CCDC60: variants seen among roughly 807,000 people sequenced by gnomAD.
CCDC60 encodes coiled-coil domain containing 60.
Under a neutral mutation model 63.5 loss-of-function variants are expected in CCDC60, and 54 were observed. That is an observed-to-expected ratio of 0.85 (90% confidence interval 0.68 to 1.07). The LOEUF is 1.07. Among genes scored for constraint, CCDC60 ranks in the 50% least tolerant of loss-of-function variants. The probability of loss-of-function intolerance (pLI) is 0.00; values close to 1 mark genes in which losing one functional copy is unlikely to be tolerated. For synonymous variants in CCDC60, 206 were observed against 238.8 expected (o/e 0.86, Z 1.27); for missense variants, 651 against 684.3 (o/e 0.95, Z 0.54).
rs147111938 is a variant in CCDC60 at position 119,488,639 on chromosome 12, C to T, written c.450-120C>T. 21 of 781,082 alleles carry T rather than the reference C, an allele frequency of 2.7e-5. No homozygotes were observed. The East Asian group carries it at 5.3e-4, about 20-fold the overall frequency. 48.4% of individuals were successfully genotyped at this position (781,082 alleles called of 1,614,324 possible). On this transcript the variant is annotated intron_variant, in intron 4 of 13. Coordinates refer to ENST00000327554, the MANE Select transcript of CCDC60 (RefSeq NM_178499.5). Reference sequence around the variant, plus strand: ...ATACATGCAAAATACTTGCGCATGCCTGGAGCATGGTGCCTGCTCCCTCAC... The same window carrying T: ...ATACATGCAAAATACTTGCGCATGCTTGGAGCATGGTGCCTGCTCCCTCAC...
chr12:119,507,616 T>TA lies in CCDC60; in HGVS notation c.883+2313_883+2314insA, dbSNP rs1394824727. Among the ~76,000 whole-genome samples, 674 of 79,252 alleles carry TA rather than the reference T, an allele frequency of 8.5e-3. 44 individuals carry two copies. The highest frequency in any genetic ancestry group is 0.014 in the Non-Finnish European group (574 of 41,426). 52.0% of individuals were successfully genotyped at this position (79,252 alleles called of 152,430 possible). A position where few individuals can be genotyped will look rare whatever the true frequency, so the allele number is the denominator to read the frequency against. On this transcript the variant is annotated intron_variant, in intron 7 of 13. Transcript: ENST00000327554. ...CATATATATATATATATATATATAT[T>TA]TTTTTTTTTTTTTTCTAGAAACAGG...
intron 4 of CCDC60, 29 bp downstream of exon 4, chr12:119,479,230 C>A: frequency 6.7e-7 from 1 of 1,500,154 alleles, no homozygotes; most frequent in Non-Finnish European, 9.3e-7. Flanking sequence ...AGCTCATTTG[C>A]TTTGCTAGCT....
intron 2 of CCDC60, among the ~76,000 whole-genome samples, chr12:119,467,954 C>A (rs810784): frequency 0.89 from 135,393 of 152,108 alleles, 60,658 homozygotes; most frequent in East Asian, 1. Flanking sequence ...ACCTCATATT[C>A]ACTGCTCACA....
At chr12:119,368,901 C>T (rs1314532623) in intron 1 of CCDC60, among the ~76,000 whole-genome samples, 2 of 152,262 alleles carry the variant, frequency 1.3e-5, no homozygotes, top group South Asian at 2.1e-4. Flanking sequence ...ATAACCTGAT[C>T]GTTTCGTAGT....
At chr12:119,446,717 A>G (rs2682668) in intron 2 of CCDC60, among the ~76,000 whole-genome samples, 4 of 149,926 alleles carry the variant, frequency 2.7e-5, no homozygotes, top group Admixed American at 2.7e-4. Context: ...GCCTGTGTGG[A>G]TGTGTGTGTT....
intron 5 of CCDC60, among the ~76,000 whole-genome samples, chr12:119,493,781 A>AT (rs1951653536): frequency 6.6e-6 from 1 of 152,204 alleles, no homozygotes; most frequent in Non-Finnish European, 1.5e-5. Flanking sequence ...ATGAATGCCC[A>AT]TAAGTATTTA....
intron 5 of CCDC60, 68 bp from the exon 6 acceptor site, chr12:119,500,010 T>A: frequency 9.0e-7 from 1 of 1,109,228 alleles, no homozygotes; most frequent in Non-Finnish European, 1.4e-6. Context: ...TTATTGCATT[T>A]CTTAAAAGAA....
intron 7 of CCDC60, among the ~76,000 whole-genome samples, chr12:119,509,578 C>G (rs950540296): frequency 1.3e-5 from 2 of 152,158 alleles, no homozygotes; most frequent in Non-Finnish European, 2.9e-5. Context: ...TATTGCCCCA[C>G]TAATTGCTCT....
Position 119,499,982 on chromosome 12 carries a change from C to T in CCDC60, c.558-96C>T, listed in dbSNP as rs989902777. ...GGGAGGAAATCCTAACAGAGCCCAGCCACCATTCCTCCTCTATTTATTGCA... is the reference window on the plus strand; with the variant it reads ...GGGAGGAAATCCTAACAGAGCCCAGTCACCATTCCTCCTCTATTTATTGCA... On this transcript the variant is annotated intron_variant, in intron 5 of 13. Transcript: ENST00000327554. The T allele has an allele frequency of 1.6e-5, 14 of 871,092 alleles. No individual in the cohort carries two copies. The African/African-American group carries it at 2.3e-4, about 15-fold the overall frequency. 54.0% of individuals were successfully genotyped at this position (871,092 alleles called of 1,614,324 possible). A position where few individuals can be genotyped will look rare whatever the true frequency, so the allele number is the denominator to read the frequency against.
intron 1 of CCDC60, among the ~76,000 whole-genome samples, chr12:119,394,337 C>T (rs1344689811): frequency 6.6e-6 from 1 of 152,182 alleles, no homozygotes; most frequent in Non-Finnish European, 1.5e-5. Flanking sequence ...AACGTCTCTC[C>T]TTTTTCTTCT....
Position 119,531,004 on chromosome 12 carries a change from G to A in CCDC60, c.1492G>A (p.Val498Met), listed in dbSNP as rs141367042. The change falls in exon 13 of 14, where the codon GTG (valine) becomes ATG (methionine). Residue 498 changes from valine to methionine, a missense_variant. Val to Met is a conservative substitution (Grantham distance 21). Transcript: ENST00000327554. ...GATTCGACCCCATGTCCTCCTGAAG[G>A]TGCTGCAGGATCTGAGGATTTGGGA... is the stretch of plus-strand genomic sequence containing the variant. ...LRIRPHVLLK[V>M]LQDLRIWELC... 1.7e-5 allele frequency: 27 copies of A among 1,614,126 alleles called. No homozygotes were observed. The East Asian group carries it at 4.9e-4, about 29-fold the overall frequency.
chr12:119,366,472 C>T (rs535048347), intron 1 of CCDC60, among the ~76,000 whole-genome samples: 1 of 152,296 alleles, frequency 6.6e-6, no homozygotes, highest in East Asian at 1.9e-4. Context: ...CCTGAATCCA[C>T]ACTTCTCCTG....
At chr12:119,438,345 C>T (rs1950368175) in intron 2 of CCDC60, among the ~76,000 whole-genome samples, 1 of 152,150 alleles carries the variant, frequency 6.6e-6, no homozygotes, top group Non-Finnish European at 1.5e-5. Flanking sequence ...ACTTCTGAAC[C>T]TTTTGTTACA....
intron 7 of CCDC60, among the ~76,000 whole-genome samples, chr12:119,506,173 C>T (rs761801888): frequency 2.6e-5 from 4 of 152,130 alleles, no homozygotes; most frequent in Non-Finnish European, 5.9e-5. Flanking sequence ...CCCCAGGCAA[C>T]CACAAACTTG....
rs762051255 is a variant in CCDC60 at position 119,505,145 on chromosome 12, G to A, written c.725G>A (p.Ser242Asn). 1.9e-6 allele frequency: 3 copies of A among 1,614,060 alleles called. No individual in the cohort carries two copies. The highest frequency in any genetic ancestry group is 2.5e-6 in the Non-Finnish European group (3 of 1,179,988). Reference sequence around the variant, plus strand: ...CGGCGAGGCTCCACACTCAGTCTGAGTCGGGCCAGTGGGGGGTCCTCTCCC... The same window carrying A: ...CGGCGAGGCTCCACACTCAGTCTGAATCGGGCCAGTGGGGGGTCCTCTCCC... ...PSRRGSTLSL[S>N]RASGGSSPQS... Residue 242 changes from serine (S) to asparagine (N), a missense_variant, in exon 7 of 14, where the codon AGT (serine) becomes AAT (asparagine). Physicochemically the swap from Ser to Asn is conservative, Grantham distance 46. Coordinates refer to ENST00000327554, the MANE Select transcript of CCDC60 (RefSeq NM_178499.5).
chr12:119,429,243 G>A (rs1472417117), intron 2 of CCDC60, among the ~76,000 whole-genome samples: 1 of 152,120 alleles, frequency 6.6e-6, no homozygotes, highest in Non-Finnish European at 1.5e-5. Context: ...AGCAGATAAA[G>A]TGTCCCTCAT....
At chr12:119,530,473 C>G (rs1952810116) in intron 12 of CCDC60, among the ~76,000 whole-genome samples, 1 of 152,116 alleles carries the variant, frequency 6.6e-6, no homozygotes, top group African/African-American at 2.4e-5. Context: ...CACACACACA[C>G]CGTCGTGTGT....
chr12:119,502,687 GA>G (rs1951884999), intron 6 of CCDC60, among the ~76,000 whole-genome samples: 1 of 152,156 alleles, frequency 6.6e-6, no homozygotes, highest in African/African-American at 2.4e-5. Flanking sequence ...GCTCAAGGAA[GA>G]CACCCCTGGA....
chr12:119,428,699 T>G lies in CCDC60; in HGVS notation c.107T>G (p.Met36Arg), dbSNP rs753838734. 1.2e-6 allele frequency: 2 copies of G among 1,605,586 alleles called. No individual in the cohort carries two copies. Among genetic ancestry groups the G allele is most frequent in the African/African-American group, 2.7e-5 (2 of 74,784 alleles). ...TCTCATCAGGTCCCAGACAAGCCAA[T>G]GAAGAGCATCAAGTATATGGACAAG... is the stretch of plus-strand genomic sequence containing the variant. The part of the protein sequence containing the change: ...ENLRQVPDKP[M>R]KSIKYMDKEI... The change falls in exon 2 of 14, where the codon ATG (methionine) becomes AGG (arginine). Residue 36 changes from methionine (M) to arginine (R), a missense_variant. Physicochemically the swap from Met to Arg is moderately conservative, Grantham distance 91. Transcript: ENST00000327554.
Sources: allele counts gnomAD v4.1 joint callset (sites outside exome capture counted in the v4.1 genomes callset), GRCh38; gene constraint gnomAD v4.1.1; transcripts MANE v1.5; gene names NCBI Gene and HGNC (gene_info 2026-07-23, HGNC 2026-07-21).